TAOK3: variants seen among roughly 807,000 people sequenced by gnomAD.
The protein encoded by TAOK3 is TAO kinase 3.
Under a neutral mutation model 120.4 loss-of-function variants are expected in TAOK3, and 40 were observed. The observed-to-expected ratio is 0.33, with a 90% CI of 0.26 to 0.43. The LOEUF (loss-of-function observed/expected upper bound fraction) is 0.43, where lower values mean the gene tolerates loss of function less well. Among genes scored for constraint, TAOK3 ranks in the 20% least tolerant of loss-of-function variants. The pLI is 1.00. For synonymous variants in TAOK3, 355 were observed against 387.5 expected (o/e 0.92, Z 0.99); for missense variants, 821 against 1,112.1 (o/e 0.74, Z 3.72).
In TAOK3 at chr12:118,156,641, A is replaced by G. The variant is rs541749681; in HGVS notation, c.2352+3505T>C. 1.9e-4 allele frequency among the ~76,000 whole-genome samples: 29 copies of G among 152,228 alleles called. No individual in the cohort carries two copies. In the South Asian group the frequency reaches 3.3e-3, roughly 17 times the overall value. On this transcript the variant is annotated intron_variant, in intron 19 of 20. Coordinates refer to ENST00000392533, the MANE Select transcript of TAOK3 (RefSeq NM_016281.4). ...TTTCCCAGGCTCTCAGGCTCCCCGC[A>G]GCCAATACATCACCTTTTCCTTCCC...
chr12:118,319,491 C>G (rs914143120), intron 1 of TAOK3, among the ~76,000 whole-genome samples: 3 of 152,032 alleles, frequency 2.0e-5, no homozygotes, highest in Non-Finnish European at 4.4e-5. Flanking sequence ...AACAAAAAGA[C>G]AAACGACCCA....
chr12:118,350,552 G>A (rs2045091899), intron 1 of TAOK3, among the ~76,000 whole-genome samples: 1 of 152,022 alleles, frequency 6.6e-6, no homozygotes, highest in Non-Finnish European at 1.5e-5. Flanking sequence ...TAAATGACGG[G>A]TCTTCAGCTA....
intron 15 of TAOK3, among the ~76,000 whole-genome samples, 158 bp from the exon 16 acceptor site, chr12:118,177,487 C>G (rs2036415836): frequency 6.7e-6 from 1 of 149,126 alleles, no homozygotes; most frequent in Non-Finnish European, 1.5e-5. Flanking sequence ...TTTCTTGTAT[C>G]TTAAAGAAAC....
chr12:118,327,715 T>C (rs576280765), intron 1 of TAOK3, among the ~76,000 whole-genome samples: 1 of 152,308 alleles, frequency 6.6e-6, no homozygotes, highest in South Asian at 2.1e-4. Context: ...GCATGTAGAA[T>C]TTCCATTTTA....
chr12:118,253,776 C>T (rs1350402814), intron 3 of TAOK3, among the ~76,000 whole-genome samples: 2 of 134,976 alleles, frequency 1.5e-5, no homozygotes, highest in Non-Finnish European at 3.1e-5. Flanking sequence ...AAACAGGGCC[C>T]GGTGCAGTGG....
At chr12:118,197,923 G>A (rs1325226687) in intron 13 of TAOK3, among the ~76,000 whole-genome samples, 2 of 151,936 alleles carry the variant, frequency 1.3e-5, no homozygotes, top group African/African-American at 4.8e-5. Flanking sequence ...TCCTGACCTC[G>A]TGATCCGCCC....
At chr12:118,225,702 G>A (rs1165680809) in intron 9 of TAOK3, among the ~76,000 whole-genome samples, 1 of 152,134 alleles carries the variant, frequency 6.6e-6, no homozygotes, top group Non-Finnish European at 1.5e-5. Flanking sequence ...CCAACTATAA[G>A]AGGCTGTTGC....
At chr12:118,353,658 G>A (rs1021973844) in intron 1 of TAOK3, among the ~76,000 whole-genome samples, 3 of 152,142 alleles carry the variant, frequency 2.0e-5, no homozygotes, top group African/African-American at 4.8e-5. Flanking sequence ...CAGGAACGAG[G>A]CAACAAGGGT....
intron 11 of TAOK3, among the ~76,000 whole-genome samples, chr12:118,201,860 T>C (rs2038039015): frequency 1.3e-5 from 2 of 152,178 alleles, no homozygotes; most frequent in Non-Finnish European, 2.9e-5. Flanking sequence ...TTCCCAGATA[T>C]AATACAATAT....
At chr12:118,153,242 T>A (rs920224776) in intron 19 of TAOK3, among the ~76,000 whole-genome samples, 1 of 152,140 alleles carries the variant, frequency 6.6e-6, no homozygotes, top group Non-Finnish European at 1.5e-5. Flanking sequence ...CCCCCATCTA[T>A]ACAAAGATTT....
intron 1 of TAOK3, among the ~76,000 whole-genome samples, chr12:118,323,875 T>C (rs2043822269): frequency 6.6e-6 from 1 of 152,144 alleles, no homozygotes; most frequent in South Asian, 2.1e-4. Context: ...CTACCTGATA[T>C]ATCTGAACAA....
intron 6 of TAOK3, 42 bp downstream of exon 6, chr12:118,239,185 C>T (rs746148471): frequency 7.8e-7 from 1 of 1,287,742 alleles, no homozygotes; most frequent in South Asian, 1.2e-5. Flanking sequence ...ACATTCTGAT[C>T]AAAGTAAAAC....
At chr12:118,265,453 T>C (rs2041407779) in intron 2 of TAOK3, among the ~76,000 whole-genome samples, 2 of 134,056 alleles carry the variant, frequency 1.5e-5, no homozygotes, top group Non-Finnish European at 3.2e-5. Context: ...CACACACACA[T>C]ACACTTACCT....
At chr12:118,283,545 C>T (rs2042167026) in intron 1 of TAOK3, 1 of 153,598 alleles carries the variant, frequency 6.5e-6, no homozygotes, top group South Asian at 2.0e-4. Flanking sequence ...ACCTGACCAA[C>T]ATGGTGAAAC....
rs1353848789 is a variant in TAOK3 at position 118,217,811 on chromosome 12, G to GTGTGTA, written c.644-3702_644-3701insTACACA. ...TGTATGTATGTATGTGTGTGTGTGT[G>GTGTGTA]TATACATATATATATATATATATAT... On this transcript the variant is annotated intron_variant, in intron 9 of 20. Coordinates refer to ENST00000392533, the MANE Select transcript of TAOK3 (RefSeq NM_016281.4). 4.0e-4 allele frequency among the ~76,000 whole-genome samples: 30 copies of GTGTGTA among 75,400 alleles called. 1 individual carries two copies. The highest frequency in any genetic ancestry group is 6.7e-4 in the Non-Finnish European group (26 of 38,922). The allele number at this position is 75,400 out of a possible 152,430, so 49.5% of individuals were successfully genotyped here. A position where few individuals can be genotyped will look rare whatever the true frequency, so the allele number is the denominator to read the frequency against.
chr12:118,367,320 T>A (rs11068926), intron 1 of TAOK3, among the ~76,000 whole-genome samples: 24,962 of 152,128 alleles, frequency 0.16, 2,137 homozygotes, highest in East Asian at 0.26. Flanking sequence ...AAATGTATTA[T>A]GTTGATTTAT....
rs755364195 is a variant in TAOK3 at position 118,371,978 on chromosome 12, C to T, written c.-194+670G>A. Among the ~76,000 whole-genome samples, 2 of 150,840 alleles carry T rather than the reference C, an allele frequency of 1.3e-5. No homozygotes were observed. Among genetic ancestry groups the T allele is most frequent in the Non-Finnish European group, 3.0e-5 (2 of 67,610 alleles). On this transcript the variant is annotated intron_variant, in intron 1 of 20. Coordinates refer to ENST00000392533, the MANE Select transcript of TAOK3 (RefSeq NM_016281.4). The surrounding 1 kb of genome is among the most constrained non-coding windows in gnomAD (Gnocchi z 5.5). ...CTCTCTCTAGGTGTCCTGCTCTCAG[C>T]CCCGCTGTCTCAGCCCAGCCCCCTT... is the stretch of plus-strand genomic sequence containing the variant.
At chr12:118,247,138 G>A (rs1028537382) in intron 3 of TAOK3, among the ~76,000 whole-genome samples, 3 of 152,298 alleles carry the variant, frequency 2.0e-5, no homozygotes, top group Middle Eastern at 6.8e-3. Flanking sequence ...CATGTGAAAT[G>A]TGGCTAGTGT....
intron 15 of TAOK3, among the ~76,000 whole-genome samples, chr12:118,180,865 A>G (rs2036672583): frequency 6.8e-6 from 1 of 146,738 alleles, no homozygotes; most frequent in Admixed American, 6.7e-5. Flanking sequence ...TTTTTTTTTG[A>G]GAAGAGACTT....
Sources: gnomAD v4.1 joint callset for allele counts (sites outside exome capture counted in the v4.1 genomes callset) on GRCh38, gnomAD v4.1.1 for gene constraint, Gnocchi (gnomAD v3.1) non-coding constraint, MANE v1.5 for transcripts, NCBI Gene and HGNC (gene_info 2026-07-23, HGNC 2026-07-21) for gene names.